Variants in BTBD10 observed in about 807,000 individuals in gnomAD.
BTBD10 encodes the protein BTB/POZ domain-containing protein 10.
Under a neutral mutation model 53.2 loss-of-function variants are expected in BTBD10, and 21 were observed. That is an observed-to-expected ratio of 0.39 (90% CI 0.28 to 0.57). BTBD10 has a LOEUF of 0.57. BTBD10 is among the 20% of genes least tolerant of loss of function. BTBD10 has a pLI of 0.53. For synonymous variants in BTBD10, 149 were observed against 192.7 expected (o/e 0.77, Z 1.88); for missense variants, 360 against 594.7 (o/e 0.61, Z 4.10).
chr11:13,396,346 T>C (rs1949551550), intron 8 of BTBD10, among the ~76,000 whole-genome samples: 1 of 152,224 alleles, frequency 6.6e-6, no homozygotes, highest in Admixed American at 6.5e-5. Flanking sequence ...TGTTTGTCTG[T>C]TATTGGTGTA....
At chr11:13,405,514 T>C (rs181372377) in intron 7 of BTBD10, 145 bp downstream of exon 7, 13 of 807,666 alleles carry the variant, frequency 1.6e-5, no homozygotes, top group Middle Eastern at 3.6e-4. Flanking sequence ...AAAGCAGCCA[T>C]AGGCAATACA....
intron 2 of BTBD10, among the ~76,000 whole-genome samples, chr11:13,424,678 A>C (rs992058558): frequency 6.6e-6 from 1 of 152,146 alleles, no homozygotes; most frequent in Non-Finnish European, 1.5e-5. Flanking sequence ...ATTAGCCCTA[A>C]TATCTATTTC....
At chr11:13,456,328 C>T (rs184350421) in intron 1 of BTBD10, among the ~76,000 whole-genome samples, 18 of 152,054 alleles carry the variant, frequency 1.2e-4, no homozygotes, top group African/African-American at 3.9e-4. Context: ...CTCAAGTCAT[C>T]GAGAAAAGAC....
At chr11:13,440,256 G>T in intron 2 of BTBD10, 5 of 1,231,750 alleles carry the variant, frequency 4.1e-6, no homozygotes, top group South Asian at 1.7e-5. Flanking sequence ...CAGCACTGAC[G>T]TTTCTAACAA....
At chr11:13,453,614 C>A (rs892175623) in intron 1 of BTBD10, among the ~76,000 whole-genome samples, 7 of 152,190 alleles carry the variant, frequency 4.6e-5, no homozygotes, top group African/African-American at 1.4e-4. Context: ...ATAGTCACTA[C>A]ATATGCATTG....
At chr11:13,446,760 AT>A (rs775412014) in intron 1 of BTBD10, among the ~76,000 whole-genome samples, 1 of 152,180 alleles carries the variant, frequency 6.6e-6, no homozygotes, top group African/African-American at 2.4e-5. Flanking sequence ...ACCATGAATT[AT>A]TTTGAACATA....
intron 5 of BTBD10, among the ~76,000 whole-genome samples, chr11:13,416,844 C>T (rs921614959): frequency 2.6e-5 from 4 of 151,924 alleles, no homozygotes; most frequent in Admixed American, 2.6e-4. Context: ...ATTAGCCAGG[C>T]ATAGTGGTGC....
chr11:13,453,735 A>C (rs1299023822), intron 1 of BTBD10, among the ~76,000 whole-genome samples: 1 of 152,156 alleles, frequency 6.6e-6, no homozygotes, highest in Non-Finnish European at 1.5e-5. Flanking sequence ...TTTGTATGTA[A>C]GCTTTTACAA....
At chr11:13,411,701 T>C (rs1949950632) in intron 6 of BTBD10, among the ~76,000 whole-genome samples, 1 of 152,208 alleles carries the variant, frequency 6.6e-6, no homozygotes, top group South Asian at 2.1e-4. Flanking sequence ...CTGTAAAAAA[T>C]TCTAGTTTTT....
intron 5 of BTBD10, among the ~76,000 whole-genome samples, 178 bp downstream of exon 5, chr11:13,416,980 C>T (rs538366040): frequency 3.8e-4 from 57 of 151,970 alleles, no homozygotes; most frequent in Admixed American, 1.1e-3. Context: ...AAGAGCAAGA[C>T]CCTGTTGCAA....
chr11:13,395,483 G>A (rs1255750589), intron 8 of BTBD10, among the ~76,000 whole-genome samples: 1 of 152,174 alleles, frequency 6.6e-6, no homozygotes, highest in Non-Finnish European at 1.5e-5. Flanking sequence ...CTCCCATCCT[G>A]TAGGTTGCCT....
At chr11:13,443,572 C>T (rs564465084) in intron 2 of BTBD10, among the ~76,000 whole-genome samples, 60 of 151,776 alleles carry the variant, frequency 4.0e-4, no homozygotes, top group African/African-American at 1.4e-3. Context: ...ATAAATACAG[C>T]CCCACATTTA....
chr11:13,451,981 G>A (rs1258966239), intron 1 of BTBD10, among the ~76,000 whole-genome samples: 1 of 152,008 alleles, frequency 6.6e-6, no homozygotes, highest in Non-Finnish European at 1.5e-5. Context: ...AAAATTAGAT[G>A]GGTACAATGG....
At position 13,458,955 on chromosome 11, in the gene BTBD10, A is replaced by G. The variant is rs1267882523; in HGVS notation, c.-58+4137T>C. ...CAGCACTATTTGTATGCCACCCAAA[A>G]ACAAGAAAATCATAACAACGCTTGT... On this transcript the variant is annotated intron_variant, in intron 1 of 8. Coordinates refer to ENST00000278174, the MANE Select transcript of BTBD10 (RefSeq NM_032320.7). Among the ~76,000 whole-genome samples, 4 of 152,146 alleles carry G rather than the reference A, an allele frequency of 2.6e-5. No homozygotes were observed. In the South Asian group the frequency reaches 8.3e-4, roughly 31 times the overall value.
chr11:13,412,436 C>T (rs1949977916), intron 6 of BTBD10, among the ~76,000 whole-genome samples: 1 of 151,984 alleles, frequency 6.6e-6, no homozygotes, highest in Non-Finnish European at 1.5e-5. Flanking sequence ...CTGGGTGACA[C>T]AGCGAGACTC....
In BTBD10 at chr11:13,440,261, T is replaced by C. The variant is rs1394771709; in HGVS notation, c.101+4763A>G. On this transcript the variant is annotated intron_variant, in intron 2 of 8. Transcript: ENST00000278174. The stretch of plus-strand genomic sequence containing the variant: ...GTGGGTTGTGCAGCACTGACGTTTC[T>C]AACAAAACAGCATCGTGTGAGCTGT... 6 of 1,224,178 alleles carry C rather than the reference T, an allele frequency of 4.9e-6. No individual in the cohort carries two copies. In the Admixed American group the frequency reaches 1.8e-4, roughly 38 times the overall value. 75.8% of individuals were successfully genotyped at this position (1,224,178 alleles called of 1,614,324 possible). A position where few individuals can be genotyped will look rare whatever the true frequency, so the allele number is the denominator to read the frequency against.
At chr11:13,419,791 A>G (rs1414229043) in intron 3 of BTBD10, 46 bp from the exon 4 acceptor site, 2 of 1,422,254 alleles carry the variant, frequency 1.4e-6, no homozygotes, top group African/African-American at 2.9e-5. Flanking sequence ...TTCTTTTACA[A>G]ATTCAAGATT....
intron 4 of BTBD10, 65 bp downstream of exon 4, chr11:13,419,395 C>T (rs1186930383): frequency 1.9e-6 from 3 of 1,556,654 alleles, no homozygotes; most frequent in Non-Finnish European, 1.7e-6. Flanking sequence ...AAAACTTAAA[C>T]AAAAAAATAA....
At chr11:13,402,009 C>A (rs1451458986) in intron 8 of BTBD10, among the ~76,000 whole-genome samples, 2 of 152,208 alleles carry the variant, frequency 1.3e-5, no homozygotes, top group South Asian at 2.1e-4. Context: ...TGAATGTCTT[C>A]TTCTCAGGAG....
Sources: allele counts gnomAD v4.1 joint callset (sites outside exome capture counted in the v4.1 genomes callset), GRCh38; gene constraint gnomAD v4.1.1; transcripts MANE v1.5; gene names NCBI Gene and HGNC (gene_info 2026-07-23, HGNC 2026-07-21).